Variants in CCDC178 observed in about 807,000 individuals in gnomAD.
The protein encoded by CCDC178 is coiled-coil domain-containing protein 178.
Under a neutral mutation model 117.4 loss-of-function variants are expected in CCDC178, and 126 were observed. The observed-to-expected ratio is 1.07, with a 90% CI of 0.93 to 1.24. CCDC178 has a LOEUF of 1.24. Among genes scored for constraint, CCDC178 ranks in the 50% most tolerant of loss-of-function variants. CCDC178 has a pLI of 0.00. For synonymous variants in CCDC178, 283 were observed against 313.4 expected (o/e 0.90, Z 1.02); for missense variants, 1,030 against 986.9 (o/e 1.04, Z -0.59).
chr18:33,382,959 G>A (rs558064771), intron 5 of CCDC178, among the ~76,000 whole-genome samples: 26 of 152,272 alleles, frequency 1.7e-4, no homozygotes, highest in South Asian at 8.3e-4. Context: ...GTCTGGAGTT[G>A]CCCTGGGATG....
chr18:32,977,973 G>C (rs2055062863), intron 21 of CCDC178, among the ~76,000 whole-genome samples: 1 of 152,144 alleles, frequency 6.6e-6, no homozygotes, highest in African/African-American at 2.4e-5. Context: ...GCAAGTGGGA[G>C]CGCTTCAGCA....
intron 8 of CCDC178, among the ~76,000 whole-genome samples, chr18:33,348,324 A>G (rs922475227): frequency 2.6e-5 from 4 of 151,874 alleles, no homozygotes; most frequent in Non-Finnish European, 4.4e-5. Context: ...AATACACTGA[A>G]GTAGTGTTAA....
chr18:33,278,228 TAC>T (rs1436568276), intron 12 of CCDC178, among the ~76,000 whole-genome samples: 21 of 4,092 alleles, frequency 5.1e-3, no homozygotes, highest in Admixed American at 0.024. Flanking sequence ...CTAAAATACA[TAC>T]ATATATATAT....
intron 20 of CCDC178, among the ~76,000 whole-genome samples, chr18:33,126,799 T>C (rs552132594): frequency 5.3e-4 from 80 of 151,718 alleles, no homozygotes; most frequent in East Asian, 1.6e-3. Context: ...GCTGGGATTA[T>C]AGGCATGCTC....
chr18:33,190,023 A>T (rs1360252992), intron 20 of CCDC178, among the ~76,000 whole-genome samples: 1 of 146,836 alleles, frequency 6.8e-6, no homozygotes, highest in Non-Finnish European at 1.5e-5. Context: ...GACACTGCTA[A>T]AAGAAGCCCT....
chr18:33,429,382 G>C (rs2064173862), intron 2 of CCDC178, among the ~76,000 whole-genome samples: 1 of 152,094 alleles, frequency 6.6e-6, no homozygotes, highest in Non-Finnish European at 1.5e-5. Flanking sequence ...CAGACAGAGA[G>C]AGAGAGAGAG....
chr18:33,427,773 A>T lies in CCDC178; in HGVS notation c.-23+12189T>A, dbSNP rs754503799. Among the ~76,000 whole-genome samples the T allele has an allele frequency of 1.0e-3, 158 of 152,210 alleles. 3 individuals are homozygous for T. The highest frequency in any genetic ancestry group is 3.1e-4 in the Non-Finnish European group (21 of 68,018). On this transcript the variant is annotated intron_variant, in intron 2 of 22. Coordinates refer to ENST00000383096, the MANE Select transcript of CCDC178 (RefSeq NM_001105528.4). ...ATTCAGAATTTGTCTGAGTAAAGAG[A>T]TGAGCCTTTCACCTTCTGGTAATTA...
Position 33,127,033 on chromosome 18 carries a change from CACACACAT to C in CCDC178, c.2239-34131_2239-34124del, listed in dbSNP as rs1488069324. 8.3e-3 allele frequency among the ~76,000 whole-genome samples: 1,234 copies of C among 148,388 alleles called. 2 individuals carry two copies. The highest frequency in any genetic ancestry group is 0.01 in the African/African-American group (418 of 39,844). ...ATATATATACACACACACACACACA[CACACACAT>C]GGATCTTTGCAATTCAAACCTGTGT... On this transcript the variant is annotated intron_variant, in intron 20 of 22. Transcript: ENST00000383096.
intron 11 of CCDC178, among the ~76,000 whole-genome samples, chr18:33,308,099 T>C (rs775394695): frequency 3.9e-5 from 6 of 152,096 alleles, no homozygotes; most frequent in Admixed American, 1.3e-4. Context: ...CCCAGAATAA[T>C]AGATCCATCA....
chr18:33,210,254 G>A (rs271545), intron 20 of CCDC178, among the ~76,000 whole-genome samples: 24,431 of 151,884 alleles, frequency 0.16, 2,746 homozygotes, highest in African/African-American at 0.32. Flanking sequence ...GCAGACAAAA[G>A]ACAGGTATAA....
intron 22 of CCDC178, among the ~76,000 whole-genome samples, chr18:32,968,429 G>A (rs2054861030): frequency 6.6e-6 from 1 of 151,790 alleles, no homozygotes; most frequent in African/African-American, 2.4e-5. Context: ...TTCAAGTGTT[G>A]GCTATTGTGA....
chr18:33,217,127 C>A (rs1460430473), intron 18 of CCDC178, among the ~76,000 whole-genome samples: 1 of 151,990 alleles, frequency 6.6e-6, no homozygotes, highest in East Asian at 1.9e-4. Flanking sequence ...CACCAACGGA[C>A]TTGTTTCTTG....
At chr18:33,085,271 C>T (rs1270122501) in intron 21 of CCDC178, among the ~76,000 whole-genome samples, 3 of 152,140 alleles carry the variant, frequency 2.0e-5, no homozygotes, top group South Asian at 2.1e-4. Flanking sequence ...ATATTTAAAA[C>T]GTATTTTTGG....
Position 33,293,310 on chromosome 18 carries a change from C to T in CCDC178, c.1025G>A (p.Arg342Lys), listed in dbSNP as rs759840513. Residue 342 changes from arginine (R) to lysine (K), a missense_variant and splice_region_variant, in exon 12 of 23, where the codon AGA becomes AAA. Coordinates refer to ENST00000383096, the MANE Select transcript of CCDC178 (RefSeq NM_001105528.4). ...TAGACTGTTAAGTTGATATATCTCT[C>T]TCCTAGGGATAAAAACACAGTTTAT... The part of the protein sequence containing the change: ...QDEKTIEAYK[R>K]EIYQLNSLFD... 6.1e-6 allele frequency: 9 copies of T among 1,476,216 alleles called. No homozygotes were observed. In the South Asian group the frequency reaches 1.1e-4, roughly 18 times the overall value. The allele number at this position is 1,476,216 out of a possible 1,614,324, so 91.4% of individuals were successfully genotyped here.
intron 17 of CCDC178, among the ~76,000 whole-genome samples, chr18:33,223,884 T>C (rs1333264524): frequency 6.6e-6 from 1 of 152,128 alleles, no homozygotes; most frequent in East Asian, 1.9e-4. Flanking sequence ...TTAGAAACCC[T>C]AAATACAGTG....
chr18:33,024,429 C>T (rs1420357880), intron 21 of CCDC178, among the ~76,000 whole-genome samples: 1 of 152,002 alleles, frequency 6.6e-6, no homozygotes, highest in Non-Finnish European at 1.5e-5. Flanking sequence ...TTTGTGCCTC[C>T]AAATTTCCTC....
At chr18:33,375,909 G>A (rs1015854209) in intron 5 of CCDC178, among the ~76,000 whole-genome samples, 4 of 152,168 alleles carry the variant, frequency 2.6e-5, no homozygotes, top group Non-Finnish European at 4.4e-5. Flanking sequence ...CAGAAGGACA[G>A]ACCAAGGCAA....
intron 21 of CCDC178, among the ~76,000 whole-genome samples, chr18:33,036,234 A>G (rs2056441757): frequency 6.6e-6 from 1 of 151,932 alleles, no homozygotes; most frequent in South Asian, 2.1e-4. Context: ...CTATAAATTC[A>G]TGTATAAAGA....
chr18:33,008,539 G>A (rs984273180), intron 21 of CCDC178, among the ~76,000 whole-genome samples: 3 of 151,674 alleles, frequency 2.0e-5, no homozygotes, highest in African/African-American at 7.3e-5. Flanking sequence ...ATTTGTATTC[G>A]TGTACAAATA....
Sources: allele counts gnomAD v4.1 joint callset (sites outside exome capture counted in the v4.1 genomes callset), GRCh38; gene constraint gnomAD v4.1.1; transcripts MANE v1.5; gene names NCBI Gene and HGNC (gene_info 2026-07-23, HGNC 2026-07-21).